SMOC2: variants seen among roughly 807,000 people sequenced by gnomAD.
The protein encoded by SMOC2 is SPARC-related modular calcium-binding protein 2.
Under a neutral mutation model 61.4 loss-of-function variants are expected in SMOC2, and 39 were observed. The observed-to-expected ratio is 0.64, with a 90% confidence interval of 0.49 to 0.83. The LOEUF is 0.83. Ranked by LOEUF, SMOC2 falls within the 40% of genes least tolerant of loss-of-function variation. The pLI, the probability that SMOC2 is intolerant of heterozygous loss-of-function variation, is 0.00. For synonymous variants in SMOC2, 247 were observed against 239.9 expected (o/e 1.03, Z -0.27); for missense variants, 556 against 592.9 (o/e 0.94, Z 0.65).
intron 8 of SMOC2, among the ~76,000 whole-genome samples, chr6:168,605,721 C>T (rs558768994): frequency 2.8e-4 from 43 of 152,290 alleles, no homozygotes; most frequent in African/African-American, 8.9e-4. Flanking sequence ...GATCTAGTCT[C>T]GTGCCACCCA....
intron 1 of SMOC2, among the ~76,000 whole-genome samples, chr6:168,447,830 CAA>C (rs58077336): frequency 2.3e-3 from 218 of 93,356 alleles, no homozygotes; most frequent in African/African-American, 6.7e-3. Flanking sequence ...AGTTTGTTGG[CAA>C]AAAAAAAAAA....
At chr6:168,642,049 C>G (rs1786902482) in intron 9 of SMOC2, among the ~76,000 whole-genome samples, 1 of 152,152 alleles carries the variant, frequency 6.6e-6, no homozygotes, top group African/African-American at 2.4e-5. Context: ...TCTTTAGTGT[C>G]TTTTTTAAAG....
Position 168,599,079 on chromosome 6 carries a change from C to T in SMOC2, c.824+75C>T, listed in dbSNP as rs968349454. On this transcript the variant is annotated intron_variant, in intron 8 of 12. Transcript: ENST00000356284. ...GTGGAAGCCAGGAAAGCAGAACCCC[C>T]ACTTCCCCCAACACACACCGACACA... 3.7e-6 allele frequency: 5 copies of T among 1,351,594 alleles called. No homozygotes were observed. The Admixed American group carries it at 8.6e-5, about 23-fold the overall frequency. The allele number at this position is 1,351,594 out of a possible 1,614,324, so 83.7% of individuals were successfully genotyped here.
chr6:168,527,534 G>A, intron 3 of SMOC2, 94 bp from the exon 4 acceptor site: 1 of 865,754 alleles, frequency 1.2e-6, no homozygotes, highest in Non-Finnish European at 1.9e-6. Context: ...GACCCTGTCT[G>A]AGCCACTGCC....
At chr6:168,540,992 T>A (rs1783866068) in intron 4 of SMOC2, among the ~76,000 whole-genome samples, 1 of 152,156 alleles carries the variant, frequency 6.6e-6, no homozygotes, top group Non-Finnish European at 1.5e-5. Context: ...CATAACACCG[T>A]TCCCTCCACT....
intron 7 of SMOC2, among the ~76,000 whole-genome samples, chr6:168,550,842 G>C (rs948667200): frequency 3.3e-5 from 5 of 151,976 alleles, no homozygotes; most frequent in African/African-American, 1.2e-4. Flanking sequence ...ACTGGGTTTT[G>C]TTCAATTTTG....
At chr6:168,527,021 A>G (rs147349633) in intron 3 of SMOC2, among the ~76,000 whole-genome samples, 2 of 152,306 alleles carry the variant, frequency 1.3e-5, no homozygotes, top group Non-Finnish European at 2.9e-5. Flanking sequence ...CTAACATACA[A>G]TGCTAACTGG....
At chr6:168,578,048 G>C (rs1784847012) in intron 7 of SMOC2, among the ~76,000 whole-genome samples, 1 of 152,228 alleles carries the variant, frequency 6.6e-6, no homozygotes, top group South Asian at 2.1e-4. Context: ...TCCTACATCT[G>C]TGTCCGCAGG....
chr6:168,450,041 CAGG>C (rs72139999), intron 1 of SMOC2, among the ~76,000 whole-genome samples: 25,527 of 151,582 alleles, frequency 0.17, 2,762 homozygotes, highest in Non-Finnish European at 0.23. Flanking sequence ...GCTTATCTAT[CAGG>C]AGGAGGAGGA....
intron 1 of SMOC2, among the ~76,000 whole-genome samples, chr6:168,504,914 T>TGGG (rs138981135): frequency 0.017 from 2,597 of 151,992 alleles, 40 homozygotes; most frequent in Non-Finnish European, 0.026. Context: ...TCTTAAAGAC[T>TGGG]GGGAGCAAGA....
chr6:168,480,111 A>T (rs577794204), intron 1 of SMOC2, among the ~76,000 whole-genome samples: 58 of 152,330 alleles, frequency 3.8e-4, no homozygotes, highest in African/African-American at 1.4e-3. Flanking sequence ...TTTAAAATTA[A>T]CAACAACAAA....
intron 9 of SMOC2, among the ~76,000 whole-genome samples, chr6:168,641,830 G>GTGTA (rs1190192045): frequency 6.6e-6 from 1 of 152,170 alleles, no homozygotes; most frequent in African/African-American, 2.4e-5. Context: ...ACTTCTATCA[G>GTGTA]TGTATTAGTT....
chr6:168,557,652 G>T (rs2115117813), intron 7 of SMOC2, among the ~76,000 whole-genome samples: 1 of 152,332 alleles, frequency 6.6e-6, no homozygotes, highest in African/African-American at 2.4e-5. Context: ...GACATCACTA[G>T]TTGCTCATGG....
chr6:168,548,752 AT>A (rs1187197626), intron 6 of SMOC2, among the ~76,000 whole-genome samples: 5 of 152,170 alleles, frequency 3.3e-5, no homozygotes, highest in African/African-American at 1.2e-4. Context: ...CACATATTGC[AT>A]TTTATAATGA....
intron 5 of SMOC2, 96 bp from the exon 6 acceptor site, chr6:168,547,023 T>G: frequency 6.9e-7 from 1 of 1,450,460 alleles, no homozygotes. Flanking sequence ...CTGTGGGGAC[T>G]GAGTGCAAGT....
intron 8 of SMOC2, 149 bp from the exon 9 acceptor site, chr6:168,608,008 G>A (rs951305603): frequency 3.0e-6 from 2 of 667,564 alleles, no homozygotes; most frequent in Non-Finnish European, 5.2e-6. Context: ...GTGACAGAAA[G>A]GAGTGAGGAG....
chr6:168,464,206 GAAGGAAGA>G (rs1211341365), intron 1 of SMOC2, among the ~76,000 whole-genome samples: 2 of 143,794 alleles, frequency 1.4e-5, no homozygotes, highest in African/African-American at 5.1e-5. Context: ...AAAAAAAGAG[GAAGGAAGA>G]AAGGAAGGAA....
At position 168,555,185 on chromosome 6, in the gene SMOC2, C is replaced by G. The variant is rs1377745666; in HGVS notation, c.637+5982C>G. ...TCCTTCTTCGGTAACATGTCTCCAC[C>G]GGGCCTGCAATCATTAGCCAGCCGG... is the stretch of plus-strand genomic sequence containing the variant. On this transcript the variant is annotated intron_variant, in intron 7 of 12. Transcript: ENST00000356284. 2.6e-5 allele frequency among the ~76,000 whole-genome samples: 4 copies of G among 152,332 alleles called. No individual in the cohort carries two copies. The South Asian group carries it at 6.2e-4, about 24-fold the overall frequency.
intron 12 of SMOC2, chr6:168,664,747 GGT>G (rs1415561447): frequency 4.2e-6 from 2 of 471,048 alleles, no homozygotes; most frequent in Admixed American, 4.7e-5. Flanking sequence ...ATGCAATGGT[GGT>G]GTCCTCCAGA....
Sources: allele counts gnomAD v4.1 joint callset (sites outside exome capture counted in the v4.1 genomes callset), GRCh38; gene constraint gnomAD v4.1.1; transcripts MANE v1.5; gene names NCBI Gene and HGNC (gene_info 2026-07-23, HGNC 2026-07-21).